Variants in PABPC4L observed in about 807,000 individuals in gnomAD.
PABPC4L encodes polyadenylate-binding protein 4-like.
For missense variants in PABPC4L, 452 were observed against 451.4 expected (o/e 1.00, Z -0.01); for synonymous variants, 169 against 164.1 (o/e 1.03, Z -0.23).
chr4:133,952,900 T>TA, the PABPC4L span, among the ~76,000 whole-genome samples: 2 of 152,150 alleles, frequency 1.3e-5, no homozygotes, highest in Non-Finnish European at 2.9e-5. Flanking sequence ...TATTGGAAAC[T>TA]AAAATCCCTC....
the PABPC4L span, among the ~76,000 whole-genome samples, chr4:134,151,797 T>C: frequency 6.6e-6 from 1 of 151,864 alleles, no homozygotes; most frequent in East Asian, 1.9e-4. Flanking sequence ...TACTTTGAAA[T>C]GACAAAGGGA....
the PABPC4L span, among the ~76,000 whole-genome samples, chr4:134,122,478 CTCTA>C: frequency 6.6e-6 from 1 of 151,930 alleles, no homozygotes; most frequent in South Asian, 2.1e-4. Flanking sequence ...TTAGAGACTT[CTCTA>C]TCTCACTTTT....
At chr4:133,983,964 C>G in the PABPC4L span, among the ~76,000 whole-genome samples, 1 of 151,734 alleles carries the variant, frequency 6.6e-6, no homozygotes, top group Non-Finnish European at 1.5e-5. Flanking sequence ...TAGTCTTTCA[C>G]ATAGAAAGAG....
the PABPC4L span, among the ~76,000 whole-genome samples, chr4:134,050,907 T>C: frequency 6.6e-6 from 1 of 150,464 alleles, no homozygotes; most frequent in Non-Finnish European, 1.5e-5. Context: ...TTGTATTCTG[T>C]GTACCCACAT....
At chr4:134,076,479 T>A in the PABPC4L span, among the ~76,000 whole-genome samples, 1 of 152,064 alleles carries the variant, frequency 6.6e-6, no homozygotes, top group South Asian at 2.1e-4. Flanking sequence ...GGAAGGGACA[T>A]ACATGCGAGA....
the PABPC4L span, among the ~76,000 whole-genome samples, chr4:134,016,845 C>A: frequency 6.6e-6 from 1 of 152,096 alleles, no homozygotes; most frequent in African/African-American, 2.4e-5. Context: ...TTGTCCAGGC[C>A]CCCTCCCTTT....
the PABPC4L span, among the ~76,000 whole-genome samples, chr4:134,048,609 G>T: frequency 8.7e-4 from 132 of 152,094 alleles, 1 homozygote; most frequent in African/African-American, 3.1e-3. Flanking sequence ...TATTACATTT[G>T]GGATTGTTTA....
chr4:133,999,145 C>T, the PABPC4L span, among the ~76,000 whole-genome samples: 1 of 152,026 alleles, frequency 6.6e-6, no homozygotes, highest in African/African-American at 2.4e-5. Context: ...CATCAACAAA[C>T]ATAGCATAAA....
the PABPC4L span, among the ~76,000 whole-genome samples, chr4:133,952,846 C>T: frequency 6.6e-6 from 1 of 152,020 alleles, no homozygotes; most frequent in Non-Finnish European, 1.5e-5. Context: ...TAGGAGTGAC[C>T]ACTTAATTTG....
chr4:134,054,742 A>G, the PABPC4L span, among the ~76,000 whole-genome samples: 3 of 152,024 alleles, frequency 2.0e-5, no homozygotes, highest in South Asian at 4.1e-4. Context: ...TTTATTGCTC[A>G]GTAATATTCC....
chr4:134,037,131 G>T, the PABPC4L span, among the ~76,000 whole-genome samples: 1 of 151,718 alleles, frequency 6.6e-6, no homozygotes, highest in East Asian at 1.9e-4. Context: ...AGCTATTTGG[G>T]CCCCTATTTG....
rs1729688288 is a variant in PABPC4L, at chr4:134,197,214, T to G, written c.*2693A>C. The G allele has an allele frequency of 6.6e-6, 1 of 151,876 alleles. No homozygotes were observed. The highest frequency in any genetic ancestry group is 1.9e-4 in the East Asian group (1 of 5,190). The allele number at this position is 151,876 out of a possible 1,614,324, so 9.4% of individuals were successfully genotyped here. On this transcript the variant is annotated 3_prime_UTR_variant, in exon 2 of 2. Transcript: ENST00000421491. ...CTATGTGAAACTCATATGCCAACTC[T>G]AATTCATTGGCTCTCTGAATCAAGT...
Position 134,201,196 on chromosome 4 carries a change from A to G in PABPC4L, c.-177T>C. On this transcript the variant is annotated 5_prime_UTR_variant, in exon 2 of 2. Transcript: ENST00000421491. ...CCCAGCTCAGGCAACACCCTCATCC[A>G]AAAGTCCCCACAGCCACCAATCTGG... The G allele has an allele frequency of 6.5e-7, 1 of 1,545,936 alleles. No individual in the cohort carries two copies. Among genetic ancestry groups the G allele is most frequent in the South Asian group, 1.2e-5 (1 of 83,170 alleles).
At chr4:134,104,395 T>C in the PABPC4L span, among the ~76,000 whole-genome samples, 1 of 151,760 alleles carries the variant, frequency 6.6e-6, no homozygotes, top group Non-Finnish European at 1.5e-5. Context: ...TGTAATCTAA[T>C]AGCTTGTTAG....
the PABPC4L span, among the ~76,000 whole-genome samples, chr4:133,949,137 T>G: frequency 6.6e-6 from 1 of 152,186 alleles, no homozygotes. Context: ...ATATATGTAT[T>G]TTATCCCTTA....
chr4:133,964,933 C>T, the PABPC4L span, among the ~76,000 whole-genome samples: 1 of 152,082 alleles, frequency 6.6e-6, no homozygotes, highest in Admixed American at 6.5e-5. Context: ...ATTTTCACCA[C>T]TTCTATTCAA....
At chr4:134,122,524 G>T in the PABPC4L span, among the ~76,000 whole-genome samples, 1 of 151,738 alleles carries the variant, frequency 6.6e-6, no homozygotes, top group Admixed American at 6.6e-5. Flanking sequence ...TTAGAAATAT[G>T]AAAATTAGAT....
At chr4:134,148,566 C>G in the PABPC4L span, among the ~76,000 whole-genome samples, 3 of 152,052 alleles carry the variant, frequency 2.0e-5, no homozygotes, top group South Asian at 2.1e-4. Context: ...TACTTTCATG[C>G]CTGAAGCTTC....
In PABPC4L at chr4:134,199,102, A is replaced by G. The variant is rs912789410; in HGVS notation, c.*805T>C. On this transcript the variant is annotated 3_prime_UTR_variant, in exon 2 of 2. Coordinates refer to ENST00000421491, the MANE Select transcript of PABPC4L (RefSeq NM_001114734.2). ...AATTTAAGATAATATATTAAGCCATATAGGTATGAAGAGATTTAAGACCAG... is the reference window on the plus strand; with the variant it reads ...AATTTAAGATAATATATTAAGCCATGTAGGTATGAAGAGATTTAAGACCAG... 1 of 152,070 alleles carries G rather than the reference A, an allele frequency of 6.6e-6. No individual in the cohort carries two copies. The highest frequency in any genetic ancestry group is 6.5e-5 in the Admixed American group (1 of 15,274). The allele number at this position is 152,070 out of a possible 1,614,324, so 9.4% of individuals were successfully genotyped here.
Sources: allele counts gnomAD v4.1 joint callset (sites outside exome capture counted in the v4.1 genomes callset), GRCh38; gene constraint gnomAD v4.1.1; transcripts MANE v1.5; gene names NCBI Gene and HGNC (gene_info 2026-07-23, HGNC 2026-07-21).